The following ZNF385D variants were observed in gnomAD, a reference collection of about 807,000 sequenced individuals.
ZNF385D encodes the protein zinc finger protein 385D.
ZNF385D carries 15 observed loss-of-function variants against 35.8 expected under a neutral mutation model. The observed-to-expected ratio is 0.42, with a 90% CI of 0.28 to 0.64. The LOEUF (loss-of-function observed/expected upper bound fraction) is 0.64. Among genes scored for constraint, ZNF385D ranks in the 30% least tolerant of loss-of-function variants. The probability of loss-of-function intolerance (pLI) is 0.23; values close to 1 mark genes in which losing one functional copy is unlikely to be tolerated. For synonymous variants in ZNF385D, 212 were observed against 186.8 expected (o/e 1.13, Z -1.10); for missense variants, 474 against 494.6 (o/e 0.96, Z 0.39).
intron 3 of ZNF385D, among the ~76,000 whole-genome samples, chr3:22,143,437 G>A (rs1175199323): frequency 6.6e-6 from 1 of 152,114 alleles, no homozygotes; most frequent in Non-Finnish European, 1.5e-5. Context: ...AAAGTAAACA[G>A]GGGAAGACCT....
rs1341577203 is a variant in ZNF385D at position 21,412,588 on chromosome 3, C to T, written c.*8626G>A. 1 of 152,036 alleles carries T rather than the reference C, an allele frequency of 6.6e-6. No homozygotes were observed. Among genetic ancestry groups the T allele is most frequent in the Non-Finnish European group, 1.5e-5 (1 of 67,972 alleles). The allele number at this position is 152,036 out of a possible 1,614,324, so 9.4% of individuals were successfully genotyped here. ...GGACATGAACAGACCAATGTCTTGA[C>T]ACCACTGGCAATATTACATTTACCT... On this transcript the variant is annotated 3_prime_UTR_variant, in exon 8 of 8. Transcript: ENST00000281523.
intron 3 of ZNF385D, among the ~76,000 whole-genome samples, chr3:21,947,352 T>G (rs1023122226): frequency 1.3e-5 from 2 of 149,858 alleles, no homozygotes; most frequent in African/African-American, 4.9e-5. Context: ...ACTAGTTATT[T>G]ATTTATTTAT....
intron 2 of ZNF385D, among the ~76,000 whole-genome samples, chr3:21,650,160 A>G (rs2065868892): frequency 6.6e-6 from 1 of 152,202 alleles, no homozygotes; most frequent in Admixed American, 6.5e-5. Context: ...AAATGTGACC[A>G]GAGTAAAAGC....
At chr3:21,813,826 C>T (rs1406958529) in intron 3 of ZNF385D, among the ~76,000 whole-genome samples, 1 of 152,046 alleles carries the variant, frequency 6.6e-6, no homozygotes, top group Admixed American at 6.6e-5. Context: ...GGCAGGCCAA[C>T]ATTGAAATTC....
At chr3:22,012,718 C>T (rs1255708623) in intron 3 of ZNF385D, among the ~76,000 whole-genome samples, 1 of 152,052 alleles carries the variant, frequency 6.6e-6, no homozygotes, top group South Asian at 2.1e-4. Flanking sequence ...TCATGAGTTC[C>T]CAATGGTGCC....
Position 22,058,355 on chromosome 3 carries a change from C to T in ZNF385D, c.325+110462G>A, listed in dbSNP as rs1321174844. Among the ~76,000 whole-genome samples, 11 of 152,200 alleles carry T rather than the reference C, an allele frequency of 7.2e-5. No homozygotes were observed. The East Asian group carries it at 2.1e-3, about 29-fold the overall frequency. Reference sequence around the variant, plus strand: ...GCCCCTATTGTCAACAGTTGCCTCACACCCAAGCCTCCAGGATTCAAGCCA... The same window carrying T: ...GCCCCTATTGTCAACAGTTGCCTCATACCCAAGCCTCCAGGATTCAAGCCA... On this transcript the variant is annotated intron_variant, in intron 3 of 5. Transcript: ENST00000494108.
At chr3:22,334,979 T>A (rs1040379894) in intron 2 of ZNF385D, among the ~76,000 whole-genome samples, 4 of 152,192 alleles carry the variant, frequency 2.6e-5, no homozygotes, top group Admixed American at 2.6e-4. Flanking sequence ...GTTTAAAAAA[T>A]CATTGTGTTA....
intron 2 of ZNF385D, among the ~76,000 whole-genome samples, chr3:21,648,350 C>G (rs1352275972): frequency 6.6e-6 from 1 of 152,154 alleles, no homozygotes; most frequent in Admixed American, 6.5e-5. Context: ...TTCCTGAGGC[C>G]TCCTCCAGCC....
intron 3 of ZNF385D, among the ~76,000 whole-genome samples, chr3:22,089,011 A>C (rs1285342073): frequency 6.6e-6 from 1 of 152,172 alleles, no homozygotes; most frequent in Non-Finnish European, 1.5e-5. Flanking sequence ...TTTACATCGT[A>C]TTATTTTTCC....
chr3:21,786,963 T>C (rs2071712579), intron 3 of ZNF385D, among the ~76,000 whole-genome samples: 1 of 152,098 alleles, frequency 6.6e-6, no homozygotes, highest in African/African-American at 2.4e-5. Flanking sequence ...AATAAGAAAA[T>C]AGTGTGAATT....
chr3:21,735,919 T>C (rs1033396148), intron 1 of ZNF385D, among the ~76,000 whole-genome samples: 1 of 152,206 alleles, frequency 6.6e-6, no homozygotes, highest in South Asian at 2.1e-4. Context: ...AATGAGCACC[T>C]CTACTTTACA....
intron 1 of ZNF385D, among the ~76,000 whole-genome samples, chr3:21,741,194 T>C (rs569556749): frequency 1.3e-5 from 2 of 152,296 alleles, no homozygotes; most frequent in South Asian, 2.1e-4. Context: ...ATAAAGCTCA[T>C]GCCTTAAGCT....
intron 2 of ZNF385D, among the ~76,000 whole-genome samples, chr3:21,629,254 G>A (rs547084926): frequency 1.5e-4 from 23 of 152,094 alleles, no homozygotes; most frequent in Middle Eastern, 3.4e-3. Context: ...AAAAATGTGC[G>A]GTATTCTGTA....
chr3:21,905,395 T>TA (rs1370705550), intron 3 of ZNF385D, among the ~76,000 whole-genome samples: 1 of 151,998 alleles, frequency 6.6e-6, no homozygotes. Flanking sequence ...GGCTAAATTT[T>TA]ATCCAAGGTT....
rs760894765 is a variant in ZNF385D, at chr3:21,437,201, C to T, written c.442G>A (p.Gly148Ser). 1.6e-5 allele frequency: 25 copies of T among 1,609,552 alleles called. 1 individual carries two copies. In the Middle Eastern group the frequency reaches 6.6e-4, roughly 43 times the overall value. ...TINTSSDKTD[G>S]TAGTPAISTT... ...GATATTGCTGGTGTCCCTGCAGTAC[C>T]GTCTGTATTCAAAATAACACAGAAA... Residue 148 changes from glycine (G) to serine (S), a missense_variant and splice_region_variant, in exon 5 of 8, where the codon GGT becomes AGT. By Grantham distance (56) the Gly-to-Ser change is moderately conservative. Coordinates refer to ENST00000281523, the MANE Select transcript of ZNF385D (RefSeq NM_024697.3).
chr3:22,190,461 G>C lies in ZNF385D; in HGVS notation c.107-21426C>G, dbSNP rs140275754. ...TGGTAAGTTCCTTTTGAAGTGTCTAGAGGAAATTTTTCCAAATATATGTGT... is the reference window on the plus strand; with the variant it reads ...TGGTAAGTTCCTTTTGAAGTGTCTACAGGAAATTTTTCCAAATATATGTGT... On this transcript the variant is annotated intron_variant, in intron 2 of 5. Transcript: ENST00000494108. 1.4e-3 allele frequency among the ~76,000 whole-genome samples: 211 copies of C among 152,260 alleles called. 1 individual carries two copies. The highest frequency in any genetic ancestry group is 4.7e-3 in the African/African-American group (197 of 41,570).
At chr3:22,139,369 T>A (rs2125700396) in intron 3 of ZNF385D, among the ~76,000 whole-genome samples, 1 of 152,264 alleles carries the variant, frequency 6.6e-6, no homozygotes, top group Non-Finnish European at 1.5e-5. Flanking sequence ...CCAACCCAAA[T>A]GTCCAACAAT....
chr3:21,750,051 A>G (rs575759565), intron 1 of ZNF385D, among the ~76,000 whole-genome samples: 25 of 152,356 alleles, frequency 1.6e-4, no homozygotes, highest in African/African-American at 5.8e-4. Flanking sequence ...GACTTACAGA[A>G]GGAAAGCATA....
chr3:22,153,231 C>T (rs2125723787), intron 3 of ZNF385D, among the ~76,000 whole-genome samples: 2 of 152,186 alleles, frequency 1.3e-5, no homozygotes, highest in South Asian at 4.1e-4. Flanking sequence ...GCTGATGGTG[C>T]CCCACTTCTG....
Sources: gnomAD v4.1 joint callset for allele counts (sites outside exome capture counted in the v4.1 genomes callset) on GRCh38, gnomAD v4.1.1 for gene constraint, MANE v1.5 for transcripts, NCBI Gene and HGNC (gene_info 2026-07-23, HGNC 2026-07-21) for gene names.